VWC2: variants seen among roughly 807,000 people sequenced by gnomAD.
VWC2 encodes brorin.
VWC2 carries 14 observed loss-of-function variants against 29.8 expected under a neutral mutation model. The ratio of observed to expected loss-of-function variants is 0.47; its 90% CI spans 0.31 to 0.74. VWC2 has a LOEUF of 0.74. Ranked by LOEUF, VWC2 falls within the 30% of genes least tolerant of loss-of-function variation. VWC2 has a pLI of 0.05. For synonymous variants in VWC2, 213 were observed against 199.0 expected, an observed-to-expected ratio of 1.07 and a Z score of -0.59; for missense variants, 457 against 459.8, an observed-to-expected ratio of 0.99 and a Z score of 0.05.
chr7:49,778,461 T>C (rs1788097847), intron 2 of VWC2, among the ~76,000 whole-genome samples: 2 of 152,248 alleles, frequency 1.3e-5, no homozygotes, highest in African/African-American at 2.4e-5. Context: ...TATATGCTTG[T>C]TCTTACAATA....
chr7:49,899,179 G>A (rs1005175814), intron 3 of VWC2, among the ~76,000 whole-genome samples: 3 of 151,930 alleles, frequency 2.0e-5, no homozygotes, highest in African/African-American at 7.2e-5. Flanking sequence ...ACCTTAGATA[G>A]TATTGAACCC....
At chr7:49,867,554 A>C (rs1042670906) in intron 3 of VWC2, among the ~76,000 whole-genome samples, 7 of 152,220 alleles carry the variant, frequency 4.6e-5, no homozygotes, top group African/African-American at 1.7e-4. Context: ...TAAAAGACTG[A>C]ACAGGTAACT....
intron 2 of VWC2, among the ~76,000 whole-genome samples, chr7:49,795,995 A>G (rs373391983): frequency 6.6e-6 from 1 of 152,118 alleles, no homozygotes; most frequent in African/African-American, 2.4e-5. Flanking sequence ...GTAGAGGCAG[A>G]TAGGGGGTAG....
intron 3 of VWC2, among the ~76,000 whole-genome samples, chr7:49,838,351 G>A (rs1789713203): frequency 6.6e-6 from 1 of 152,032 alleles, no homozygotes; most frequent in African/African-American, 2.4e-5. Context: ...TTTTTTTCCA[G>A]CAGATTGGTG....
chr7:49,864,612 G>A (rs149884746), intron 3 of VWC2, among the ~76,000 whole-genome samples: 60 of 152,240 alleles, frequency 3.9e-4, no homozygotes, highest in African/African-American at 1.3e-3. Context: ...CGGTGTTTTC[G>A]AGCATCATCT....
intron 3 of VWC2, among the ~76,000 whole-genome samples, chr7:49,865,957 C>A (rs945252939): frequency 1.3e-5 from 2 of 152,240 alleles, no homozygotes; most frequent in African/African-American, 4.8e-5. Context: ...TCGGCACCAT[C>A]TTAAATTGCT....
At chr7:49,850,180 C>T (rs901323002) in intron 3 of VWC2, among the ~76,000 whole-genome samples, 1 of 152,202 alleles carries the variant, frequency 6.6e-6, no homozygotes, top group Non-Finnish European at 1.5e-5. Flanking sequence ...GAGCATAGTA[C>T]CACAACACAG....
chr7:49,864,791 G>A (rs1790810178), intron 3 of VWC2, among the ~76,000 whole-genome samples: 1 of 152,230 alleles, frequency 6.6e-6, no homozygotes, highest in Admixed American at 6.5e-5. Context: ...TGGGAATGGA[G>A]ACTGCTGCTG....
chr7:49,853,131 G>A (rs183357041), intron 3 of VWC2, among the ~76,000 whole-genome samples: 4 of 152,308 alleles, frequency 2.6e-5, no homozygotes, highest in South Asian at 2.1e-4. Flanking sequence ...GCAGGGCTGC[G>A]GGCTCTGAAC....
intron 2 of VWC2, among the ~76,000 whole-genome samples, chr7:49,784,522 G>C (rs1200401270): frequency 6.6e-6 from 1 of 152,204 alleles, no homozygotes; most frequent in Non-Finnish European, 1.5e-5. Flanking sequence ...GAAGAGTTCA[G>C]GTCCCCAAGT....
intron 3 of VWC2, among the ~76,000 whole-genome samples, chr7:49,871,964 AAGAG>A (rs1791177642): frequency 7.9e-6 from 1 of 126,624 alleles, no homozygotes; most frequent in African/African-American, 2.9e-5. Flanking sequence ...CACACCGAGA[AAGAG>A]AGGGAGGGAG....
At chr7:49,796,098 T>A (rs1453141467) in intron 2 of VWC2, among the ~76,000 whole-genome samples, 1 of 152,152 alleles carries the variant, frequency 6.6e-6, no homozygotes, top group Non-Finnish European at 1.5e-5. Flanking sequence ...TCCAATAATC[T>A]GAGAGTTAGA....
chr7:49,896,045 A>C (rs1401091216), intron 3 of VWC2, among the ~76,000 whole-genome samples: 1 of 152,212 alleles, frequency 6.6e-6, no homozygotes, highest in Non-Finnish European at 1.5e-5. Context: ...ACGTTTAATG[A>C]AAAAGAAAGT....
chr7:49,874,380 G>T lies in VWC2; in HGVS notation c.827-37654G>T, dbSNP rs373592496. On this transcript the variant is annotated intron_variant, in intron 3 of 3. Transcript: ENST00000340652. ...ATTCAGTACAGGAACATGCCGTGCA[G>T]GTTTGTAGCCTAGGAGCAATAGGCT... Among the ~76,000 whole-genome samples, 236 of 152,310 alleles carry T rather than the reference G, an allele frequency of 1.5e-3. 3 individuals are homozygous for T. The highest frequency in any genetic ancestry group is 5.4e-3 in the African/African-American group (226 of 41,572).
intron 3 of VWC2, among the ~76,000 whole-genome samples, chr7:49,906,384 G>C (rs1793092340): frequency 6.6e-6 from 1 of 152,080 alleles, no homozygotes; most frequent in African/African-American, 2.4e-5. Context: ...GCCCAGGCTG[G>C]AGTGCAGTGG....
At chr7:49,800,719 C>G (rs984263144) in intron 2 of VWC2, among the ~76,000 whole-genome samples, 2 of 151,986 alleles carry the variant, frequency 1.3e-5, no homozygotes, top group African/African-American at 4.8e-5. Flanking sequence ...TGTTCTCATT[C>G]TGCTTGCTAT....
At chr7:49,795,214 G>A (rs1251843750) in intron 2 of VWC2, among the ~76,000 whole-genome samples, 2 of 152,218 alleles carry the variant, frequency 1.3e-5, no homozygotes, top group African/African-American at 2.4e-5. Context: ...TAATCAGCAA[G>A]ATGGATGTGT....
chr7:49,875,388 A>AAAAAAAAAAAAAAAC, intron 3 of VWC2, among the ~76,000 whole-genome samples: 1 of 149,902 alleles, frequency 6.7e-6, no homozygotes, highest in African/African-American at 2.4e-5. Context: ...AAAAAAAAAA[A>AAAAAAAAAAAAAAAC]AAAAAAAAAC....
intron 2 of VWC2, among the ~76,000 whole-genome samples, chr7:49,802,203 T>A (rs1788753787): frequency 6.6e-6 from 1 of 152,244 alleles, no homozygotes; most frequent in Non-Finnish European, 1.5e-5. Flanking sequence ...CATAGCCCTG[T>A]GGCCCGTCCT....
Sources: gnomAD v4.1 joint callset for allele counts (sites outside exome capture counted in the v4.1 genomes callset) on GRCh38, gnomAD v4.1.1 for gene constraint, MANE v1.5 for transcripts, NCBI Gene and HGNC (gene_info 2026-07-23, HGNC 2026-07-21) for gene names.